The following TENM2 variants were observed in gnomAD, a reference collection of about 807,000 sequenced individuals.
TENM2 encodes the protein teneurin-2.
A neutral mutation model predicts 245.2 loss-of-function variants in TENM2; 52 were observed. That is an observed-to-expected ratio of 0.21 (90% CI 0.17 to 0.27). The LOEUF is 0.27. Ranked by LOEUF, TENM2 falls within the 10% of genes least tolerant of loss-of-function variation. The probability of loss-of-function intolerance (pLI) is 1.00; values close to 1 mark genes in which losing one functional copy is unlikely to be tolerated. For synonymous variants in TENM2, 1,363 were observed against 1,438.9 expected (o/e 0.95, Z 1.19); for missense variants, 3,046 against 3,666.8 (o/e 0.83, Z 4.37).
At chr5:167,979,294 C>A (rs1051348145) in intron 4 of TENM2, among the ~76,000 whole-genome samples, 5 of 152,158 alleles carry the variant, frequency 3.3e-5, no homozygotes, top group African/African-American at 1.2e-4. Context: ...ACCATTCTAT[C>A]ATATTCTATT....
the TENM2 span, among the ~76,000 whole-genome samples, chr5:167,061,297 C>A: frequency 6.6e-6 from 1 of 152,020 alleles, no homozygotes; most frequent in Admixed American, 6.5e-5. Flanking sequence ...AGCTATTCTC[C>A]TTGAAAGAGT....
chr5:167,178,080 A>G, the TENM2 span, among the ~76,000 whole-genome samples: 1 of 152,184 alleles, frequency 6.6e-6, no homozygotes, highest in Non-Finnish European at 1.5e-5. Context: ...TTTAATTTGG[A>G]GGGAAATTTA....
the TENM2 span, among the ~76,000 whole-genome samples, chr5:167,172,624 CTT>C: frequency 3.6e-5 from 5 of 139,836 alleles, no homozygotes; most frequent in East Asian, 4.2e-4. Flanking sequence ...TCATTTTCAT[CTT>C]TTTTTTTTTT....
chr5:168,071,507 A>G (rs990640645), intron 7 of TENM2, among the ~76,000 whole-genome samples: 3 of 152,122 alleles, frequency 2.0e-5, no homozygotes, highest in African/African-American at 7.2e-5. Context: ...CCACACACAA[A>G]CTATTTTTAC....
intron 7 of TENM2, among the ~76,000 whole-genome samples, chr5:168,083,787 T>G (rs369191687): frequency 8.5e-5 from 13 of 152,298 alleles, no homozygotes; most frequent in African/African-American, 3.1e-4. Context: ...ATGAGCAAGT[T>G]TGTTACCTGG....
chr5:167,136,993 C>A, the TENM2 span, among the ~76,000 whole-genome samples: 1 of 152,206 alleles, frequency 6.6e-6, no homozygotes, highest in African/African-American at 2.4e-5. Flanking sequence ...AAGGTGCTGG[C>A]AGATTGGATT....
intron 2 of TENM2, among the ~76,000 whole-genome samples, chr5:167,651,809 C>G (rs762237730): frequency 9.1e-4 from 139 of 152,220 alleles, no homozygotes; most frequent in Middle Eastern, 3.4e-3. Flanking sequence ...TCTGAACACA[C>G]GTAGCTTCCA....
At chr5:167,039,831 T>C in the TENM2 span, among the ~76,000 whole-genome samples, 1 of 152,180 alleles carries the variant, frequency 6.6e-6, no homozygotes. Flanking sequence ...TCTTTTATTA[T>C]CGTAAATGAA....
intron 12 of TENM2, among the ~76,000 whole-genome samples, chr5:168,146,180 C>T (rs1034519383): frequency 3.3e-5 from 5 of 151,952 alleles, no homozygotes; most frequent in African/African-American, 1.2e-4. Flanking sequence ...ATTTCCTTCT[C>T]CTGCCTAATT....
chr5:167,339,904 C>T (rs1757995932), intron 1 of TENM2, among the ~76,000 whole-genome samples: 2 of 152,160 alleles, frequency 1.3e-5, no homozygotes, highest in African/African-American at 4.8e-5. Flanking sequence ...ACGCTGAATG[C>T]CAGCACCTTG....
At chr5:167,464,834 C>A (rs1332256954) in intron 2 of TENM2, among the ~76,000 whole-genome samples, 3 of 152,100 alleles carry the variant, frequency 2.0e-5, no homozygotes, top group Non-Finnish European at 4.4e-5. Context: ...AGATTAATTT[C>A]TCTCTAAGTA....
At chr5:167,028,619 T>G in the TENM2 span, among the ~76,000 whole-genome samples, 1 of 152,022 alleles carries the variant, frequency 6.6e-6, no homozygotes, top group Non-Finnish European at 1.5e-5. Flanking sequence ...ATTAGATATA[T>G]CAAATAATAT....
At chr5:166,992,439 G>A in the TENM2 span, among the ~76,000 whole-genome samples, 2 of 152,020 alleles carry the variant, frequency 1.3e-5, no homozygotes, top group East Asian at 1.9e-4. Flanking sequence ...GAGCTACTTG[G>A]ATTTTCTTAA....
At chr5:167,356,553 C>T (rs1299101397) in intron 1 of TENM2, among the ~76,000 whole-genome samples, 1 of 152,200 alleles carries the variant, frequency 6.6e-6, no homozygotes, top group Admixed American at 6.5e-5. Context: ...TATGCCTTGC[C>T]AGAACCCCTG....
At chr5:168,261,433 C>T (rs751682002) in intron 28 of TENM2, among the ~76,000 whole-genome samples, 6 of 152,208 alleles carry the variant, frequency 3.9e-5, no homozygotes, top group African/African-American at 1.2e-4. Flanking sequence ...CTTGTTCACA[C>T]GTAGCCTCTG....
intron 3 of TENM2, among the ~76,000 whole-genome samples, chr5:167,929,109 GAAAGAAA>G (rs1778061933): frequency 2.5e-5 from 2 of 80,844 alleles, no homozygotes; most frequent in Non-Finnish European, 4.8e-5. Context: ...AAGAAAGAAA[GAAAGAAA>G]GAAAGAAAGA....
the TENM2 span, among the ~76,000 whole-genome samples, chr5:167,067,751 T>A: frequency 5.3e-5 from 8 of 152,188 alleles, no homozygotes; most frequent in Non-Finnish European, 1.2e-4. Context: ...AGTTCTCTAA[T>A]GTATTGGTCA....
At chr5:168,128,578 C>T (rs1164448198) in intron 12 of TENM2, among the ~76,000 whole-genome samples, 1 of 152,236 alleles carries the variant, frequency 6.6e-6, no homozygotes, top group Non-Finnish European at 1.5e-5. Flanking sequence ...TTAGTGTTTC[C>T]ACAATGATGC....
chr5:168,091,241 A>C lies in TENM2; in HGVS notation c.1711+472A>C, dbSNP rs1333174004. ...AAGGGAACCTCAAAATACTAATAAA[A>C]AGTGATTTTTAAAAAAACTTTAAAT... On this transcript the variant is annotated intron_variant, in intron 8 of 28. Transcript: ENST00000518659. 2.0e-5 allele frequency among the ~76,000 whole-genome samples: 3 copies of C among 152,182 alleles called. No individual in the cohort carries two copies. The East Asian group carries it at 5.8e-4, about 29-fold the overall frequency.
Sources: allele counts gnomAD v4.1 joint callset (sites outside exome capture counted in the v4.1 genomes callset), GRCh38; gene constraint gnomAD v4.1.1; transcripts MANE v1.5; gene names NCBI Gene and HGNC (gene_info 2026-07-23, HGNC 2026-07-21).